Variants in SDK2 observed in about 807,000 individuals in gnomAD.
SDK2 encodes the protein sidekick cell adhesion molecule 2, also known as protein sidekick-2.
SDK2 carries 105 observed loss-of-function variants against 253.9 expected under a neutral mutation model. That is an observed-to-expected ratio of 0.41 (90% CI 0.35 to 0.49). The LOEUF is 0.49. Among genes scored for constraint, SDK2 ranks in the 20% least tolerant of loss-of-function variants. The probability of loss-of-function intolerance (pLI) is 0.06; values close to 1 mark genes in which losing one functional copy is unlikely to be tolerated. For missense variants in SDK2, 2,608 were observed against 3,003.0 expected (o/e 0.87, Z 3.07); for synonymous variants, 1,249 against 1,234.9 (o/e 1.01, Z -0.24).
intron 40 of SDK2, chr17:73,357,785 G>A (rs1016160167): frequency 6.8e-5 from 34 of 500,344 alleles, no homozygotes; most frequent in Middle Eastern, 5.1e-4. Flanking sequence ...TGTGACCCAC[G>A]TGAGCCACGT....
intron 44 of SDK2, among the ~76,000 whole-genome samples, chr17:73,340,419 T>C (rs2062424659): frequency 6.6e-6 from 1 of 152,204 alleles, no homozygotes; most frequent in Non-Finnish European, 1.5e-5. Flanking sequence ...TCTCCAGGGA[T>C]TAACTTATTT....
chr17:73,385,265 G>A lies in SDK2; in HGVS notation c.4569+582C>T, dbSNP rs149924178. On this transcript the variant is annotated intron_variant, in intron 32 of 44. Transcript: ENST00000392650. The stretch of plus-strand genomic sequence containing the variant: ...GGCAGGACCCATGAGCAGCCTGGTC[G>A]CTGAGGTTTGCCCATGGTCTTCCCC... 1.3e-3 allele frequency among the ~76,000 whole-genome samples: 203 copies of A among 152,312 alleles called. 1 individual carries two copies. The highest frequency in any genetic ancestry group is 3.4e-3 in the Middle Eastern group (1 of 294).
At position 73,434,437 on chromosome 17, in the gene SDK2, G is replaced by A. The variant is rs148102136; in HGVS notation, c.1196-589C>T. On this transcript the variant is annotated intron_variant, in intron 9 of 44. Transcript: ENST00000392650. ...TGCACTTGGAAGCCAGAAGCAAGACGGCAGCCCCTTGGTAGCCACCTTTGG... is the reference window on the plus strand; with the variant it reads ...TGCACTTGGAAGCCAGAAGCAAGACAGCAGCCCCTTGGTAGCCACCTTTGG... Among the ~76,000 whole-genome samples the A allele has an allele frequency of 2.0e-5, 3 of 152,176 alleles. No individual in the cohort carries two copies. In the South Asian group the frequency reaches 6.2e-4, roughly 32 times the overall value.
At chr17:73,459,679 C>T (rs1447501255) in intron 3 of SDK2, among the ~76,000 whole-genome samples, 1 of 151,980 alleles carries the variant, frequency 6.6e-6, no homozygotes, top group African/African-American at 2.4e-5. Flanking sequence ...ACTCATTAGC[C>T]ATGATGCTGG....
At chr17:73,545,521 G>C (rs923764543) in intron 1 of SDK2, among the ~76,000 whole-genome samples, 2 of 152,150 alleles carry the variant, frequency 1.3e-5, no homozygotes, top group Non-Finnish European at 2.9e-5. Context: ...GTGCGTTTGA[G>C]CTAAACATGC....
At chr17:73,602,956 C>T (rs770292532) in intron 1 of SDK2, among the ~76,000 whole-genome samples, 20 of 152,232 alleles carry the variant, frequency 1.3e-4, no homozygotes, top group Non-Finnish European at 2.5e-4. Flanking sequence ...AACTCCTGAC[C>T]TCAAGTGATC....
At chr17:73,546,468 G>A (rs932862248) in intron 1 of SDK2, among the ~76,000 whole-genome samples, 3 of 152,228 alleles carry the variant, frequency 2.0e-5, no homozygotes, top group Non-Finnish European at 4.4e-5. Context: ...AACAGCCTTG[G>A]CCAGAGAAGG....
intron 1 of SDK2, among the ~76,000 whole-genome samples, chr17:73,596,952 A>G (rs1812340745): frequency 6.6e-6 from 1 of 152,092 alleles, no homozygotes; most frequent in South Asian, 2.1e-4. Context: ...AACCCCGGCC[A>G]TTTCCATTCT....
intron 2 of SDK2, among the ~76,000 whole-genome samples, chr17:73,493,486 G>A (rs931623614): frequency 5.3e-5 from 8 of 152,128 alleles, no homozygotes; most frequent in Non-Finnish European, 2.9e-5. Context: ...AAGAAGTGAG[G>A]GTGTGGCTGT....
rs1166137112 is a variant in SDK2 at position 73,352,056 on chromosome 17, G to A, written c.5758+417C>T. On this transcript the variant is annotated intron_variant, in intron 41 of 44. Coordinates refer to ENST00000392650, the MANE Select transcript of SDK2 (RefSeq NM_001144952.2). This position sits in a 1 kb window ranked among gnomAD's most constrained non-coding sequence, Gnocchi z 4.1. ...GTGACCCTGCTGCACCCAGGCACTA[G>A]GTCAGGCCTAAGGCCCACCTGTGTC... 6.6e-6 allele frequency among the ~76,000 whole-genome samples: 1 copy of A among 152,138 alleles called. No homozygotes were observed. The highest frequency in any genetic ancestry group is 1.5e-5 in the Non-Finnish European group (1 of 68,020).
At position 73,335,816 on chromosome 17, in the gene SDK2, T is replaced by A. The variant is rs746239922; in HGVS notation, c.*2771A>T. 6.6e-6 allele frequency: 1 copy of A among 152,282 alleles called. No individual in the cohort carries two copies. The highest frequency in any genetic ancestry group is 1.5e-5 in the Non-Finnish European group (1 of 68,074). The allele number at this position is 152,282 out of a possible 1,614,324, so 9.4% of individuals were successfully genotyped here. On this transcript the variant is annotated 3_prime_UTR_variant, in exon 45 of 45. Transcript: ENST00000392650. Reference sequence around the variant, plus strand: ...GATGGCTTCAGCCATCAGAGGGAGTTCAGGAGTCTCTTTGCTAACACACAT... The same window carrying A: ...GATGGCTTCAGCCATCAGAGGGAGTACAGGAGTCTCTTTGCTAACACACAT...
intron 28 of SDK2, among the ~76,000 whole-genome samples, chr17:73,391,207 G>A (rs868330132): frequency 1.3e-5 from 2 of 152,190 alleles, no homozygotes; most frequent in Non-Finnish European, 2.9e-5. Flanking sequence ...ATTTGGGGAC[G>A]CAAAGCCAAC....
intron 2 of SDK2, among the ~76,000 whole-genome samples, chr17:73,478,946 C>A (rs139660650): frequency 3.3e-5 from 5 of 152,212 alleles, no homozygotes; most frequent in Non-Finnish European, 7.3e-5. Context: ...TGCACATACA[C>A]GGAGCACACT....
At chr17:73,598,335 G>A (rs752045502) in intron 1 of SDK2, among the ~76,000 whole-genome samples, 12 of 152,186 alleles carry the variant, frequency 7.9e-5, no homozygotes, top group African/African-American at 1.9e-4. Context: ...GTCATTGGCC[G>A]ACGGCACCTG....
intron 2 of SDK2, among the ~76,000 whole-genome samples, chr17:73,497,676 C>A (rs1279262646): frequency 6.6e-6 from 1 of 151,996 alleles, no homozygotes; most frequent in Non-Finnish European, 1.5e-5. Context: ...GATGGCCCAG[C>A]CGCCCCTCGC....
At chr17:73,614,401 A>G (rs1010823191) in intron 1 of SDK2, among the ~76,000 whole-genome samples, 2 of 151,834 alleles carry the variant, frequency 1.3e-5, no homozygotes, top group African/African-American at 4.8e-5. Context: ...TGATTTAAAC[A>G]TCATATTGGA....
intron 1 of SDK2, among the ~76,000 whole-genome samples, chr17:73,573,175 A>C (rs2045412098): frequency 1.3e-5 from 2 of 152,190 alleles, no homozygotes; most frequent in Admixed American, 6.5e-5. Flanking sequence ...TGTCTGAGCA[A>C]AACTCTGCAG....
At chr17:73,400,962 T>G in intron 21 of SDK2, 58 bp downstream of exon 21, 1 of 1,492,272 alleles carries the variant, frequency 6.7e-7, no homozygotes, top group Non-Finnish European at 9.1e-7. Flanking sequence ...AGGGGCCTCT[T>G]GAATGGGACG....
In SDK2 at chr17:73,399,246, G is replaced by GC; in HGVS notation, c.3014dup (p.Arg1007ProfsTer44). On this transcript the variant is annotated frameshift_variant, in exon 22 of 45. Coordinates refer to ENST00000392650, the MANE Select transcript of SDK2 (RefSeq NM_001144952.2). LOFTEE classifies it high-confidence loss of function. ...TGAACTGCAAGGTCACAGAGCGGGG[G>GC]CCGATGTTGGAAATGCCCAGGTTGG... 6.2e-7 allele frequency: 1 copy of GC among 1,613,824 alleles called. No homozygotes were observed.
Sources: allele counts gnomAD v4.1 joint callset (sites outside exome capture counted in the v4.1 genomes callset), GRCh38; gene constraint gnomAD v4.1.1; non-coding constraint Gnocchi (gnomAD v3.1); transcripts MANE v1.5; gene names NCBI Gene and HGNC (gene_info 2026-07-23, HGNC 2026-07-21).